The following IFT140 variants were observed in gnomAD, a reference collection of about 807,000 sequenced individuals.
IFT140 encodes intraflagellar transport 140.
In IFT140, 133 loss-of-function variants were observed where a neutral mutation model predicts 164.6. The ratio of observed to expected loss-of-function variants is 0.81; its 90% CI spans 0.70 to 0.93. The LOEUF is 0.93. Ranked by LOEUF, IFT140 falls within the 40% of genes least tolerant of loss-of-function variation. The probability of loss-of-function intolerance (pLI) is 0.00; values close to 1 mark genes in which losing one functional copy is unlikely to be tolerated. For synonymous variants in IFT140, 860 were observed against 817.3 expected, an observed-to-expected ratio of 1.05 and a Z score of -0.89; for missense variants, 2,045 against 1,972.3, an observed-to-expected ratio of 1.04 and a Z score of -0.70.
In IFT140 at chr16:1,584,386, C is replaced by T. The variant is rs2141819207; in HGVS notation, c.1190G>A (p.Ser397Asn). 2 of 1,611,778 alleles carry T rather than the reference C, an allele frequency of 1.2e-6. No individual in the cohort carries two copies. Among genetic ancestry groups the T allele is most frequent in the Middle Eastern group, 1.7e-4 (1 of 6,060 alleles). Residue 397 changes from serine to asparagine, a missense_variant, in exon 11 of 31, where the codon AGC becomes AAC. Ser to Asn is a conservative substitution (Grantham distance 46). Transcript: ENST00000426508. ...GSRKNLLAVN[S>N]VISVAILSER... ...GCTGAGGATGGCCACGGAGATGACG[C>T]TGTTCACTGCCAGCAGGTTCTTCCT...
At chr16:1,583,409 G>A (rs1234933560) in intron 11 of IFT140, 23 bp from the exon 12 acceptor site, 5 of 1,610,828 alleles carry the variant, frequency 3.1e-6, no homozygotes, top group Admixed American at 3.3e-5. Flanking sequence ...ACGGACATTC[G>A]AGGCAAAGGG....
At chr16:1,521,273 C>T (rs1327095465) in intron 26 of IFT140, among the ~76,000 whole-genome samples, 3 of 152,060 alleles carry the variant, frequency 2.0e-5, no homozygotes, top group African/African-American at 7.2e-5. Flanking sequence ...GCAATGTTGC[C>T]CAGGCTGGTC....
At chr16:1,554,387 G>A (rs66798554) in intron 19 of IFT140, among the ~76,000 whole-genome samples, 39,803 of 152,112 alleles carry the variant, frequency 0.26, 5,885 homozygotes, top group African/African-American at 0.39. Flanking sequence ...GCTGAGTCTG[G>A]GGGGCTAGGA....
chr16:1,549,186 C>A (rs2032431871), intron 19 of IFT140, among the ~76,000 whole-genome samples: 1 of 152,256 alleles, frequency 6.6e-6, no homozygotes, highest in Non-Finnish European at 1.5e-5. Context: ...CCCTCTCTAC[C>A]CTAGTTGTGC....
intron 26 of IFT140, among the ~76,000 whole-genome samples, chr16:1,521,643 C>T (rs1356107684): frequency 3.3e-5 from 5 of 149,442 alleles, no homozygotes; most frequent in Middle Eastern, 3.6e-3. Context: ...CCACCCACCT[C>T]GGCCTCCCAA....
At chr16:1,582,677 G>T (rs1408165125) in intron 12 of IFT140, among the ~76,000 whole-genome samples, 1 of 152,260 alleles carries the variant, frequency 6.6e-6, no homozygotes, top group African/African-American at 2.4e-5. Flanking sequence ...GCCGAGGCAG[G>T]CAAATCACCT....
chr16:1,543,750 C>T (rs189846582), intron 19 of IFT140, among the ~76,000 whole-genome samples: 222 of 152,284 alleles, frequency 1.5e-3, no homozygotes, highest in African/African-American at 5.0e-3. Flanking sequence ...GGTACCCAGG[C>T]TAGGAAAGCT....
rs955832978 is a variant in IFT140 at position 1,602,212 on chromosome 16, A to G, written c.369+158T>C. The G allele has an allele frequency of 1.3e-5, 9 of 691,686 alleles. No homozygotes were observed. The Middle Eastern group carries it at 1.3e-3, about 97-fold the overall frequency. The allele number at this position is 691,686 out of a possible 1,614,324, so 42.8% of individuals were successfully genotyped here. ...TTTGCCACAGAGTGGCAAATTTTCA[A>G]GCCTTGCTTCCAATATAAAACAAAA... is the stretch of plus-strand genomic sequence containing the variant. On this transcript the variant is annotated intron_variant, in intron 4 of 30. Transcript: ENST00000426508.
At chr16:1,562,754 A>T (rs1052773061) in intron 17 of IFT140, among the ~76,000 whole-genome samples, 4 of 152,138 alleles carry the variant, frequency 2.6e-5, no homozygotes, top group Non-Finnish European at 5.9e-5. Flanking sequence ...CCTGGGTGAC[A>T]GAGCAGGACT....
chr16:1,533,883 G>C lies in IFT140; in HGVS notation c.2400-7087C>G, dbSNP rs1303184457. ...GTGCTAAGGAGTGTGGCGCGGGCTC[G>C]ACTCCCACTGCTGCCGGCCTCCCGA... On this transcript the variant is annotated intron_variant, in intron 19 of 30. Coordinates refer to ENST00000426508, the MANE Select transcript of IFT140 (RefSeq NM_014714.4). This position sits in a 1 kb window ranked among gnomAD's most constrained non-coding sequence, Gnocchi z 4.7. 1.4e-5 allele frequency: 4 copies of C among 281,816 alleles called. No homozygotes were observed. The allele number at this position is 281,816 out of a possible 1,614,324, so 17.5% of individuals were successfully genotyped here.
At chr16:1,536,381 A>G (rs1436864434) in intron 19 of IFT140, among the ~76,000 whole-genome samples, 1 of 152,142 alleles carries the variant, frequency 6.6e-6, no homozygotes, top group Admixed American at 6.5e-5. Flanking sequence ...AGCCCCCTGG[A>G]CTGCCTCCTG....
intron 19 of IFT140, among the ~76,000 whole-genome samples, chr16:1,537,750 G>A (rs2031216563): frequency 6.6e-6 from 1 of 152,236 alleles, no homozygotes; most frequent in African/African-American, 2.4e-5. Flanking sequence ...CTGAAACAAG[G>A]TGGCTTGGGA....
At chr16:1,558,908 C>T (rs1371222429) in intron 18 of IFT140, among the ~76,000 whole-genome samples, 1 of 152,250 alleles carries the variant, frequency 6.6e-6, no homozygotes, top group Non-Finnish European at 1.5e-5. Context: ...AGCTGCGCTC[C>T]CATCAGCTCA....
At chr16:1,535,007 C>T (rs576267224) in intron 19 of IFT140, among the ~76,000 whole-genome samples, 3 of 151,950 alleles carry the variant, frequency 2.0e-5, no homozygotes, top group African/African-American at 4.8e-5. Flanking sequence ...GAGTTCAAGA[C>T]GAACCTAGCC....
chr16:1,525,028 C>T lies in IFT140; in HGVS notation c.2865-112G>A. 14 of 1,420,034 alleles carry T rather than the reference C, an allele frequency of 9.9e-6. 1 individual carries two copies. The highest frequency in any genetic ancestry group is 1.3e-5 in the Non-Finnish European group (14 of 1,054,720). 88.0% of individuals were successfully genotyped at this position (1,420,034 alleles called of 1,614,324 possible). A position where few individuals can be genotyped will look rare whatever the true frequency, so the allele number is the denominator to read the frequency against. On this transcript the variant is annotated intron_variant, in intron 22 of 30. Coordinates refer to ENST00000426508, the MANE Select transcript of IFT140 (RefSeq NM_014714.4). Reference sequence around the variant, plus strand: ...GAGTGCATGTCACCTGACCTGCAAACAGGCTGGGCCAAGAGTGAGGACCCC... The same window carrying T: ...GAGTGCATGTCACCTGACCTGCAAATAGGCTGGGCCAAGAGTGAGGACCCC...
intron 26 of IFT140, among the ~76,000 whole-genome samples, chr16:1,522,913 A>G (rs2040565233): frequency 6.6e-6 from 1 of 152,132 alleles, no homozygotes; most frequent in Non-Finnish European, 1.5e-5. Flanking sequence ...GGAACCACCC[A>G]TATTTCCATT....
rs1567328510 is a variant in IFT140 at position 1,524,793 on chromosome 16, AT to A, written c.2987del (p.Asn996MetfsTer8). ...CCTGCGGGGACCTTACCTTCTGGAC[AT>A]TGCCCTGGAAGCAGTGGATGCGGAC... Reference protein sequence around the residue: ...SLVRIHCFQGNVQKAAQIANE... With the variant: ...SLVRIHCFQGXVQKAAQIANE... On this transcript the variant is annotated frameshift_variant, in exon 23 of 31. Coordinates refer to ENST00000426508, the MANE Select transcript of IFT140 (RefSeq NM_014714.4). LOFTEE classifies it high-confidence loss of function. 2.5e-6 allele frequency: 4 copies of A among 1,608,188 alleles called. No homozygotes were observed. The highest frequency in any genetic ancestry group is 3.4e-6 in the Non-Finnish European group (4 of 1,175,388).
chr16:1,592,700 G>C (rs956746231), intron 4 of IFT140, 112 bp from the exon 5 acceptor site: 1 of 1,467,322 alleles, frequency 6.8e-7, no homozygotes, highest in Non-Finnish European at 9.1e-7. Context: ...CCGGCAGAGC[G>C]ACTGGTGGAG....
rs201884886 is a variant in IFT140, at chr16:1,523,883, C to A, written c.3215G>T (p.Arg1072Leu). Residue 1072 changes from arginine to leucine, a missense_variant, in exon 25 of 31, where the codon CGA (arginine) becomes CTA (leucine). By Grantham distance (102) the Arg-to-Leu change is moderately radical (BLOSUM62 -2). Transcript: ENST00000426508. ...SSPEDMIEAA[R>L]YYEEKGVQMD... Reference sequence around the variant, plus strand: ...CTGCACGCCCTTCTCCTCGTAGTATCGGGCCGCCTCGATCATGTCCTCGGG... The same window carrying A: ...CTGCACGCCCTTCTCCTCGTAGTATAGGGCCGCCTCGATCATGTCCTCGGG... 17 of 1,613,548 alleles carry A rather than the reference C, an allele frequency of 1.1e-5. No individual in the cohort carries two copies. The highest frequency in any genetic ancestry group is 3.3e-5 in the Admixed American group (2 of 60,018).
Sources: gnomAD v4.1 joint callset for allele counts (sites outside exome capture counted in the v4.1 genomes callset) on GRCh38, gnomAD v4.1.1 for gene constraint, Gnocchi (gnomAD v3.1) non-coding constraint, MANE v1.5 for transcripts, NCBI Gene and HGNC (gene_info 2026-07-23, HGNC 2026-07-21) for gene names.